Variants in RORB observed in about 807,000 individuals in gnomAD.
The protein encoded by RORB is RAR related orphan receptor B, also known as nuclear receptor ROR-beta.
Under a neutral mutation model 59.1 loss-of-function variants are expected in RORB, and 6 were observed. The observed-to-expected ratio is 0.10, with a 90% CI of 0.06 to 0.20. The LOEUF (loss-of-function observed/expected upper bound fraction) is 0.20. Ranked by LOEUF, RORB falls within the 10% of genes least tolerant of loss-of-function variation. The pLI is 1.00. For missense variants in RORB, 320 were observed against 560.5 expected, an observed-to-expected ratio of 0.57 and a Z score of 4.33; for synonymous variants, 215 against 204.5, an observed-to-expected ratio of 1.05 and a Z score of -0.44.
intron 1 of RORB, among the ~76,000 whole-genome samples, chr9:74,591,155 T>G (rs536378665): frequency 2.6e-5 from 4 of 152,354 alleles, no homozygotes; most frequent in Admixed American, 6.5e-5. Flanking sequence ...GAGGTAACGA[T>G]GAAGATCCCT....
intron 1 of RORB, among the ~76,000 whole-genome samples, chr9:74,585,669 C>T (rs1459341254): frequency 2.0e-5 from 3 of 152,098 alleles, no homozygotes; most frequent in Non-Finnish European, 2.9e-5. Context: ...TTTTTCTCCG[C>T]TATAAAAAGC....
intron 1 of RORB, among the ~76,000 whole-genome samples, chr9:74,550,397 A>G (rs1221371062): frequency 1.3e-5 from 2 of 152,214 alleles, no homozygotes; most frequent in Admixed American, 6.5e-5. Flanking sequence ...CCTGAACTCT[A>G]TCTCCAGAAA....
intron 1 of RORB, among the ~76,000 whole-genome samples, chr9:74,557,693 T>C (rs2118182504): frequency 6.6e-6 from 1 of 152,178 alleles, no homozygotes; most frequent in East Asian, 1.9e-4. Context: ...TGGCCTTAAT[T>C]ACGTAACGGC....
intron 1 of RORB, among the ~76,000 whole-genome samples, chr9:74,557,237 C>T (rs1014112839): frequency 5.3e-5 from 8 of 152,160 alleles, no homozygotes; most frequent in Non-Finnish European, 1.0e-4. Context: ...CATTCTCTAA[C>T]ATCGTTGTTG....
intron 1 of RORB, among the ~76,000 whole-genome samples, chr9:74,578,654 G>A (rs1286684386): frequency 6.9e-6 from 1 of 144,810 alleles, no homozygotes; most frequent in African/African-American, 2.5e-5. Flanking sequence ...ATTTTATTTT[G>A]AATTGTAAAG....
chr9:74,513,084 A>G (rs1825962525), intron 1 of RORB, among the ~76,000 whole-genome samples: 1 of 152,204 alleles, frequency 6.6e-6, no homozygotes, highest in African/African-American at 2.4e-5. Context: ...TTGATAATAG[A>G]ATGCTATGTG....
rs2118593418 is a variant in RORB at position 74,689,758 on chromosome 9, A to G, written c.*4140A>G. On this transcript the variant is annotated 3_prime_UTR_variant, in exon 10 of 10. Coordinates refer to ENST00000376896, the MANE Select transcript of RORB (RefSeq NM_006914.4). The stretch of plus-strand genomic sequence containing the variant: ...AACTCATGCTCACTCTCTACAATGC[A>G]ATGTGTACGAGGCTTGAAGGCAAAA... 6.6e-6 allele frequency: 1 copy of G among 152,354 alleles called. No individual in the cohort carries two copies. Among genetic ancestry groups the G allele is most frequent in the East Asian group, 1.9e-4 (1 of 5,190 alleles). 9.4% of individuals were successfully genotyped at this position (152,354 alleles called of 1,614,324 possible). A position where few individuals can be genotyped will look rare whatever the true frequency, so the allele number is the denominator to read the frequency against.
chr9:74,679,097 C>G lies in RORB; in HGVS notation c.1225-6366C>G, dbSNP rs62571993. The stretch of plus-strand genomic sequence containing the variant: ...AAAAAACCAACCAAACAAACAAAAA[C>G]TGGGTGTTATATTAGAATTCCTAGC... On this transcript the variant is annotated intron_variant, in intron 9 of 9. Transcript: ENST00000376896. Among the ~76,000 whole-genome samples, 1,122 of 148,252 alleles carry G rather than the reference C, an allele frequency of 7.6e-3. 8 individuals carry two copies. The highest frequency in any genetic ancestry group is 0.012 in the Non-Finnish European group (801 of 66,910).
At chr9:74,683,575 C>A (rs542027151) in intron 9 of RORB, among the ~76,000 whole-genome samples, 1 of 152,248 alleles carries the variant, frequency 6.6e-6, no homozygotes, top group South Asian at 2.1e-4. Flanking sequence ...TCAGTTCTTC[C>A]AGAGTGCAAA....
intron 1 of RORB, among the ~76,000 whole-genome samples, chr9:74,593,831 T>C (rs1194444886): frequency 6.6e-6 from 1 of 152,192 alleles, no homozygotes; most frequent in Non-Finnish European, 1.5e-5. Context: ...AGCATGGCCA[T>C]CTGGTGCCAT....
chr9:74,532,407 A>G (rs916456496), intron 1 of RORB, among the ~76,000 whole-genome samples: 1 of 151,878 alleles, frequency 6.6e-6, no homozygotes, highest in African/African-American at 2.4e-5. Context: ...AGCCTATTTT[A>G]GTCTTATTAC....
At chr9:74,594,535 T>C (rs1822944876) in intron 1 of RORB, among the ~76,000 whole-genome samples, 1 of 152,246 alleles carries the variant, frequency 6.6e-6, no homozygotes, top group South Asian at 2.1e-4. Context: ...TTAATACAAT[T>C]TTTATATCAT....
At chr9:74,542,884 A>G (rs937279177) in intron 1 of RORB, among the ~76,000 whole-genome samples, 1 of 152,176 alleles carries the variant, frequency 6.6e-6, no homozygotes, top group African/African-American at 2.4e-5. Flanking sequence ...TGCATAGCCT[A>G]TCTTTGTAGT....
At chr9:74,615,540 C>A (rs1480496845) in intron 1 of RORB, 1 of 441,090 alleles carries the variant, frequency 2.3e-6, no homozygotes, top group Non-Finnish European at 4.6e-6. Context: ...GGGCAGTCTT[C>A]AGACCTCCCC....
chr9:74,615,558 A>G (rs1424491030), intron 1 of RORB: 3 of 450,082 alleles, frequency 6.7e-6, no homozygotes, highest in African/African-American at 2.0e-5. Context: ...CCCAGTGAAA[A>G]GTATCATATT....
chr9:74,644,592 C>T (rs537090597), intron 4 of RORB, among the ~76,000 whole-genome samples: 21 of 152,166 alleles, frequency 1.4e-4, no homozygotes, highest in Non-Finnish European at 2.4e-4. Context: ...GGTCTCAATT[C>T]ATAGACTGCA....
chr9:74,499,808 T>C (rs776012100), intron 1 of RORB, among the ~76,000 whole-genome samples: 31 of 152,168 alleles, frequency 2.0e-4, no homozygotes, highest in Admixed American at 9.2e-4. Flanking sequence ...TCTTCCCTTC[T>C]AACTTTCCCC....
chr9:74,629,855 T>C (rs1379179763), intron 1 of RORB, among the ~76,000 whole-genome samples: 1 of 152,188 alleles, frequency 6.6e-6, no homozygotes, highest in African/African-American at 2.4e-5. Flanking sequence ...GAGTTTTGCT[T>C]TATTTATGTA....
chr9:74,602,339 A>C (rs1267402893), intron 1 of RORB, among the ~76,000 whole-genome samples: 2 of 152,214 alleles, frequency 1.3e-5, no homozygotes, highest in African/African-American at 4.8e-5. Context: ...TGACTAAATG[A>C]ATGAATCCTA....
Sources: allele counts gnomAD v4.1 joint callset (sites outside exome capture counted in the v4.1 genomes callset), GRCh38; gene constraint gnomAD v4.1.1; transcripts MANE v1.5; gene names NCBI Gene and HGNC (gene_info 2026-07-23, HGNC 2026-07-21).